ATP10D: variants seen among roughly 807,000 people sequenced by gnomAD.
The protein encoded by ATP10D is phospholipid-transporting ATPase VD.
ATP10D carries 89 observed loss-of-function variants against 144.8 expected under a neutral mutation model. That is an observed-to-expected ratio of 0.61 (90% CI 0.52 to 0.73). The LOEUF (loss-of-function observed/expected upper bound fraction) is 0.73, where lower values mean the gene tolerates loss of function less well. ATP10D is among the 30% of genes least tolerant of loss of function. The pLI, the probability that ATP10D is intolerant of heterozygous loss-of-function variation, is 0.00. For missense variants in ATP10D, 1,603 were observed against 1,714.8 expected, an observed-to-expected ratio of 0.93 and a Z score of 1.15; for synonymous variants, 571 against 615.1, an observed-to-expected ratio of 0.93 and a Z score of 1.06.
rs776259286 is a variant in ATP10D at position 47,560,944 on chromosome 4, C to T, written c.2542-5C>T. The T allele has an allele frequency of 9.9e-6, 16 of 1,613,958 alleles. No homozygotes were observed. The highest frequency in any genetic ancestry group is 5.5e-5 in the South Asian group (5 of 91,084). On this transcript the variant is annotated splice_region_variant and splice_polypyrimidine_tract_variant and intron_variant, in intron 13 of 22. Transcript: ENST00000273859. ...TTCATACCTCTCTTTTAATTCTTCC[C>T]GTAGGTCATGAGTGACACTGAATAT... is the stretch of plus-strand genomic sequence containing the variant.
chr4:47,557,958 G>A lies in ATP10D; in HGVS notation c.2119G>A (p.Gly707Ser), dbSNP rs200916542. 25 of 1,614,160 alleles carry A rather than the reference G, an allele frequency of 1.5e-5. No homozygotes were observed. The highest frequency in any genetic ancestry group is 4.0e-5 in the African/African-American group (3 of 75,046). Residue 707 changes from glycine (G) to serine (S), a missense_variant, in exon 12 of 23, where the codon GGC becomes AGC. Physicochemically the swap from Gly to Ser is moderately conservative, Grantham distance 56. Transcript: ENST00000273859. Reference protein sequence around the residue: ...KQHGDAGLLNGKAESLPGQPL... With the variant: ...KQHGDAGLLNSKAESLPGQPL... ...ACACGGTGATGCAGGCCTCCTGAAT[G>A]GCAAGGCAGAGTCCCTCCCTGGACA...
chr4:47,591,337 A>C lies in ATP10D; in HGVS notation c.4237A>C (p.Lys1413Gln), dbSNP rs558941985. The C allele has an allele frequency of 6.2e-7, 1 of 1,612,836 alleles. No individual in the cohort carries two copies. Among genetic ancestry groups the C allele is most frequent in the Admixed American group, 1.7e-5 (1 of 59,940 alleles). Residue 1413 changes from lysine (K) to glutamine (Q), a missense_variant, in exon 23 of 23, where the codon AAG becomes CAG. Transcript: ENST00000273859. ...TALDQGYSET[K>Q]AFEMAGPSKG... The stretch of plus-strand genomic sequence containing the variant: ...TTTAGATCAAGGCTACTCTGAAACT[A>C]AGGCCTTTGAGATGGCTGGACCCTC...
chr4:47,549,562 C>T (rs946091478), intron 10 of ATP10D, among the ~76,000 whole-genome samples: 3 of 152,200 alleles, frequency 2.0e-5, no homozygotes, highest in African/African-American at 7.2e-5. Context: ...AGGCATGGCA[C>T]AATACTGGAC....
chr4:47,541,888 C>T (rs1718151091), intron 9 of ATP10D, among the ~76,000 whole-genome samples: 1 of 152,002 alleles, frequency 6.6e-6, no homozygotes, highest in Non-Finnish European at 1.5e-5. Context: ...TCAATATCTA[C>T]CTTCAGACAA....
At chr4:47,561,759 C>G (rs1360864121) in intron 14 of ATP10D, among the ~76,000 whole-genome samples, 1 of 152,182 alleles carries the variant, frequency 6.6e-6, no homozygotes, top group Non-Finnish European at 1.5e-5. Flanking sequence ...GATTCTGATT[C>G]AAGTGATCTG....
intron 1 of ATP10D, among the ~76,000 whole-genome samples, chr4:47,486,942 T>G (rs981968463): frequency 6.6e-6 from 1 of 152,048 alleles, no homozygotes; most frequent in Non-Finnish European, 1.5e-5. Context: ...TAAATAGAAT[T>G]GAATAGGGCC....
chr4:47,542,675 C>T (rs764781325), intron 9 of ATP10D, among the ~76,000 whole-genome samples: 9 of 151,986 alleles, frequency 5.9e-5, no homozygotes, highest in Non-Finnish European at 8.8e-5. Flanking sequence ...GATGGGGTTT[C>T]GCCATGTTGG....
At chr4:47,571,602 T>C (rs953256750) in intron 16 of ATP10D, among the ~76,000 whole-genome samples, 2 of 152,170 alleles carry the variant, frequency 1.3e-5, no homozygotes, top group Non-Finnish European at 2.9e-5. Flanking sequence ...AGCAGGAATG[T>C]GGTACCTCCT....
chr4:47,522,749 A>G (rs1039454316), intron 3 of ATP10D, among the ~76,000 whole-genome samples: 14 of 151,984 alleles, frequency 9.2e-5, no homozygotes, highest in African/African-American at 3.1e-4. Flanking sequence ...TTTGTATTTT[A>G]GTAGAGACAG....
At chr4:47,522,443 T>C (rs1716995820) in intron 3 of ATP10D, among the ~76,000 whole-genome samples, 1 of 152,210 alleles carries the variant, frequency 6.6e-6, no homozygotes. Context: ...TCAAACAGCA[T>C]AATGGTTCAA....
chr4:47,558,341 G>C (rs762272385), intron 12 of ATP10D, 68 bp downstream of exon 12: 38 of 1,537,920 alleles, frequency 2.5e-5, no homozygotes, highest in Non-Finnish European at 3.2e-5. Flanking sequence ...CATACTTGAT[G>C]GCTTTATAAA....
At chr4:47,529,720 T>A (rs185444555) in intron 5 of ATP10D, among the ~76,000 whole-genome samples, 1 of 152,314 alleles carries the variant, frequency 6.6e-6, no homozygotes, top group African/African-American at 2.4e-5. Context: ...AATCTGTAGA[T>A]TTCTTTGGGC....
intron 9 of ATP10D, among the ~76,000 whole-genome samples, chr4:47,538,983 A>G (rs1717991877): frequency 6.6e-6 from 1 of 152,100 alleles, no homozygotes; most frequent in African/African-American, 2.4e-5. Context: ...CATCTGCAAA[A>G]TCCTTCCACT....
intron 1 of ATP10D, among the ~76,000 whole-genome samples, chr4:47,503,132 G>T (rs1005690461): frequency 5.3e-5 from 8 of 152,156 alleles, no homozygotes; most frequent in Non-Finnish European, 1.0e-4. Context: ...AACCTGGGAG[G>T]CAGAGTTTGC....
rs5858075 is a variant in ATP10D at position 47,502,471 on chromosome 4, T to TAA, written c.-37-10021_-37-10020dup. On this transcript the variant is annotated intron_variant, in intron 1 of 22. Coordinates refer to ENST00000273859, the MANE Select transcript of ATP10D (RefSeq NM_020453.4). ...GGCGTTAGAGTGAGACTACGTCTCA[T>TAA]AAAAAAAAAAAAATCTGAAGTGTAT... Among the ~76,000 whole-genome samples, 3 of 141,444 alleles carry TAA rather than the reference T, an allele frequency of 2.1e-5. No individual in the cohort carries two copies. The Admixed American group carries it at 2.1e-4, about 10-fold the overall frequency. 92.8% of individuals were successfully genotyped at this position (141,444 alleles called of 152,430 possible). A position where few individuals can be genotyped will look rare whatever the true frequency, so the allele number is the denominator to read the frequency against.
At chr4:47,519,154 C>T (rs1478211473) in intron 3 of ATP10D, among the ~76,000 whole-genome samples, 3 of 152,142 alleles carry the variant, frequency 2.0e-5, no homozygotes, top group Non-Finnish European at 4.4e-5. Context: ...AATTCATAAT[C>T]CTACCCTTTC....
At chr4:47,487,170 T>C (rs1328116143) in intron 1 of ATP10D, among the ~76,000 whole-genome samples, 1 of 143,728 alleles carries the variant, frequency 7.0e-6, no homozygotes, top group African/African-American at 2.6e-5. Flanking sequence ...CGGAGGTTGC[T>C]GTGAGTCGAG....
intron 5 of ATP10D, 108 bp downstream of exon 5, chr4:47,525,750 A>G (rs1717211952): frequency 1.1e-6 from 1 of 933,530 alleles, no homozygotes. Flanking sequence ...AAATCACTAA[A>G]GGTCGTAACT....
chr4:47,584,321 A>C (rs188665817), intron 21 of ATP10D, among the ~76,000 whole-genome samples: 39 of 152,150 alleles, frequency 2.6e-4, no homozygotes, highest in Non-Finnish European at 4.9e-4. Context: ...ACTTAAATGT[A>C]TAAACTCTAT....
Sources: gnomAD v4.1 joint callset for allele counts (sites outside exome capture counted in the v4.1 genomes callset) on GRCh38, gnomAD v4.1.1 for gene constraint, MANE v1.5 for transcripts, NCBI Gene and HGNC (gene_info 2026-07-23, HGNC 2026-07-21) for gene names.